The following NELL2 variants were observed in gnomAD, a reference collection of about 807,000 sequenced individuals.
The protein encoded by NELL2 is protein kinase C-binding protein NELL2.
In NELL2, 41 loss-of-function variants were observed where a neutral mutation model predicts 109.6. The observed-to-expected ratio is 0.37, with a 90% CI of 0.29 to 0.49. The LOEUF (loss-of-function observed/expected upper bound fraction) is 0.49. Among genes scored for constraint, NELL2 ranks in the 20% least tolerant of loss-of-function variants. NELL2 has a pLI of 0.98. For synonymous variants in NELL2, 355 were observed against 344.7 expected, an observed-to-expected ratio of 1.03 and a Z score of -0.33; for missense variants, 900 against 1,008.3, an observed-to-expected ratio of 0.89 and a Z score of 1.45.
intron 9 of NELL2, among the ~76,000 whole-genome samples, chr12:44,744,388 G>T (rs915926201): frequency 6.0e-4 from 91 of 152,216 alleles, no homozygotes; most frequent in African/African-American, 2.1e-3. Flanking sequence ...ACAATTAAAA[G>T]AACTAGAAAA....
At chr12:44,675,198 T>A (rs1566136267) in intron 12 of NELL2, among the ~76,000 whole-genome samples, 1 of 152,132 alleles carries the variant, frequency 6.6e-6, no homozygotes, top group Non-Finnish European at 1.5e-5. Flanking sequence ...AAAGGAAAAG[T>A]GGGGTGAGAA....
chr12:44,727,802 T>A (rs1226862755), intron 9 of NELL2, among the ~76,000 whole-genome samples: 2 of 152,068 alleles, frequency 1.3e-5, no homozygotes, highest in Non-Finnish European at 2.9e-5. Flanking sequence ...CTCTGTAAAT[T>A]AAGAATTAAA....
chr12:44,676,099 T>C (rs2136359219), intron 12 of NELL2, among the ~76,000 whole-genome samples: 1 of 152,262 alleles, frequency 6.6e-6, no homozygotes, highest in East Asian at 1.9e-4. Flanking sequence ...CCCAATAAAA[T>C]CTTGAAGTCA....
At chr12:44,732,864 A>T (rs1466295284) in intron 9 of NELL2, among the ~76,000 whole-genome samples, 1 of 151,988 alleles carries the variant, frequency 6.6e-6, no homozygotes, top group African/African-American at 2.4e-5. Context: ...AAAAACAAAT[A>T]ACCCAATTAA....
chr12:44,511,507 A>T (rs1432277161), intron 19 of NELL2, among the ~76,000 whole-genome samples: 1 of 152,204 alleles, frequency 6.6e-6, no homozygotes, highest in African/African-American at 2.4e-5. Flanking sequence ...AGAAAGCCAC[A>T]ATCTCACTGA....
chr12:44,832,507 C>T (rs1200836196), intron 2 of NELL2, among the ~76,000 whole-genome samples: 2 of 152,194 alleles, frequency 1.3e-5, no homozygotes, highest in Non-Finnish European at 2.9e-5. Context: ...CAGTGATCTG[C>T]ATGCAGAAAA....
chr12:44,589,534 C>A (rs1156350493), intron 15 of NELL2, among the ~76,000 whole-genome samples: 2 of 152,080 alleles, frequency 1.3e-5, no homozygotes, highest in Admixed American at 6.6e-5. Context: ...CAGGCACGTA[C>A]CACCTCCAGC....
intron 13 of NELL2, among the ~76,000 whole-genome samples, chr12:44,653,053 T>C (rs1465515039): frequency 1.3e-5 from 2 of 152,178 alleles, no homozygotes; most frequent in African/African-American, 2.4e-5. Context: ...CTTAATCATA[T>C]CTGAAAAATC....
At chr12:44,629,843 C>A (rs1261377912) in intron 13 of NELL2, among the ~76,000 whole-genome samples, 1 of 152,122 alleles carries the variant, frequency 6.6e-6, no homozygotes, top group Non-Finnish European at 1.5e-5. Context: ...TGACCTAGAA[C>A]CGTAAGTTCA....
At chr12:44,749,464 A>G (rs1940547159) in intron 9 of NELL2, among the ~76,000 whole-genome samples, 1 of 152,094 alleles carries the variant, frequency 6.6e-6, no homozygotes, top group Admixed American at 6.6e-5. Flanking sequence ...CATATGTAGC[A>G]CACATCAAAA....
At chr12:44,752,989 G>A (rs756915565) in intron 9 of NELL2, among the ~76,000 whole-genome samples, 2 of 152,060 alleles carry the variant, frequency 1.3e-5, no homozygotes, top group Non-Finnish European at 2.9e-5. Flanking sequence ...TTTGCATGGC[G>A]TCTCCCACCA....
At chr12:44,625,683 CTT>C (rs1946233067) in intron 13 of NELL2, among the ~76,000 whole-genome samples, 1 of 152,084 alleles carries the variant, frequency 6.6e-6, no homozygotes. Context: ...TTGCTGAATA[CTT>C]GCAACAGAAG....
At chr12:44,685,230 T>C (rs1171069484) in intron 12 of NELL2, among the ~76,000 whole-genome samples, 3 of 152,156 alleles carry the variant, frequency 2.0e-5, no homozygotes, top group African/African-American at 7.2e-5. Flanking sequence ...GAGACTAGGA[T>C]TGCAACCCCT....
chr12:44,822,112 C>A (rs1004422934), intron 2 of NELL2, among the ~76,000 whole-genome samples: 2 of 151,926 alleles, frequency 1.3e-5, no homozygotes, highest in South Asian at 4.1e-4. Context: ...AACAAGGAAT[C>A]CTGCTAGGAA....
chr12:44,574,939 T>C (rs1235120507), intron 15 of NELL2, among the ~76,000 whole-genome samples: 1 of 152,230 alleles, frequency 6.6e-6, no homozygotes, highest in Non-Finnish European at 1.5e-5. Flanking sequence ...AACTATTTTT[T>C]ATAGGATTCA....
chr12:44,662,875 C>G (rs1592289730), intron 13 of NELL2, among the ~76,000 whole-genome samples: 1 of 152,138 alleles, frequency 6.6e-6, no homozygotes, highest in East Asian at 1.9e-4. Context: ...GATACAGAAG[C>G]AAAACAAACA....
In NELL2 at chr12:44,668,555, A is replaced by C. The variant is rs12228607; in HGVS notation, c.1319-2946T>G. 1.4e-3 allele frequency among the ~76,000 whole-genome samples: 212 copies of C among 152,064 alleles called. 3 individuals are homozygous for C. In the East Asian group the frequency reaches 0.026, roughly 19 times the overall value. ...GAGACCTGTCTCTCCTGCTGCCACCACTGCTGGTGCCCACGTGCACTATCA... is the reference window on the plus strand; with the variant it reads ...GAGACCTGTCTCTCCTGCTGCCACCCCTGCTGGTGCCCACGTGCACTATCA... On this transcript the variant is annotated intron_variant, in intron 12 of 19. Transcript: ENST00000429094.
chr12:44,701,770 T>C (rs1232828564), intron 12 of NELL2, among the ~76,000 whole-genome samples: 2 of 152,034 alleles, frequency 1.3e-5, no homozygotes, highest in East Asian at 1.9e-4. Flanking sequence ...TTCCAACTCA[T>C]CTCCAATTTC....
intron 15 of NELL2, among the ~76,000 whole-genome samples, chr12:44,535,384 G>C (rs1433030458): frequency 1.3e-5 from 2 of 151,942 alleles, no homozygotes; most frequent in Non-Finnish European, 2.9e-5. Context: ...ATCTGTGTAA[G>C]TTTCATGCAT....
Sources: gnomAD v4.1 joint callset for allele counts (sites outside exome capture counted in the v4.1 genomes callset) on GRCh38, gnomAD v4.1.1 for gene constraint, MANE v1.5 for transcripts, NCBI Gene and HGNC (gene_info 2026-07-23, HGNC 2026-07-21) for gene names.